The following INPP5D variants were observed in gnomAD, a reference collection of about 807,000 sequenced individuals.
INPP5D encodes the protein inositol polyphosphate-5-phosphatase D, also known as phosphatidylinositol 3,4,5-trisphosphate 5-phosphatase 1.
A neutral mutation model predicts 122.9 loss-of-function variants in INPP5D; 33 were observed. The observed-to-expected ratio is 0.27, with a 90% CI of 0.20 to 0.36. The LOEUF (loss-of-function observed/expected upper bound fraction) is 0.36, where lower values mean the gene tolerates loss of function less well. Ranked by LOEUF, INPP5D falls within the 10% of genes least tolerant of loss-of-function variation. The probability of loss-of-function intolerance (pLI) is 1.00; values close to 1 mark genes in which losing one functional copy is unlikely to be tolerated. For missense variants in INPP5D, 1,053 were observed against 1,412.7 expected (o/e 0.75, Z 4.08); for synonymous variants, 584 against 576.2 (o/e 1.01, Z -0.19).
At chr2:233,098,880 A>C (rs1287243514) in intron 2 of INPP5D, among the ~76,000 whole-genome samples, 2 of 152,242 alleles carry the variant, frequency 1.3e-5, no homozygotes, top group African/African-American at 4.8e-5. Context: ...GCCATCGACT[A>C]AAATGCCATC....
chr2:233,204,188 A>G lies in INPP5D; in HGVS notation c.3038A>G (p.Lys1013Arg). 3.7e-6 allele frequency: 6 copies of G among 1,610,522 alleles called. No homozygotes were observed. The highest frequency in any genetic ancestry group is 5.1e-6 in the Non-Finnish European group (6 of 1,178,560). Residue 1013 changes from lysine (K) to arginine (R), a missense_variant, in exon 26 of 27, where the codon AAG (lysine) becomes AGG (arginine). Coordinates refer to ENST00000445964, the MANE Select transcript of INPP5D (RefSeq NM_001017915.3). The part of the protein sequence containing the change: ...TLPQEDLPLT[K>R]PEMFENPLYG... Reference sequence around the variant, plus strand: ...CCTCAGGAGGACCTGCCGCTGACGAAGCCCGAGATGTTTGAGAACCCCCTG... The same window carrying G: ...CCTCAGGAGGACCTGCCGCTGACGAGGCCCGAGATGTTTGAGAACCCCCTG...
rs1693226489 is a variant in INPP5D at position 233,128,415 on chromosome 2, A to G, written c.525-2093A>G. Among the ~76,000 whole-genome samples, 1 of 152,362 alleles carries G rather than the reference A, an allele frequency of 6.6e-6. No homozygotes were observed. Among genetic ancestry groups the G allele is most frequent in the Non-Finnish European group, 1.5e-5 (1 of 68,032 alleles). ...TATGATGTCAAGACCCAGAATAAAT[A>G]TAGAAGAACTTAAATGTAAATGTTC... On this transcript the variant is annotated intron_variant, in intron 4 of 26. Coordinates refer to ENST00000445964, the MANE Select transcript of INPP5D (RefSeq NM_001017915.3). This position sits in a 1 kb window ranked among gnomAD's most constrained non-coding sequence, Gnocchi z 4.5.
At chr2:233,136,204 C>T (rs1294700433) in intron 5 of INPP5D, among the ~76,000 whole-genome samples, 1 of 152,176 alleles carries the variant, frequency 6.6e-6, no homozygotes, top group East Asian at 1.9e-4. Context: ...AAGGCCGGGC[C>T]TAGTGGCTTA....
intron 6 of INPP5D, among the ~76,000 whole-genome samples, chr2:233,144,366 G>A (rs1490336822): frequency 2.4e-5 from 3 of 124,104 alleles, no homozygotes; most frequent in Non-Finnish European, 3.5e-5. Flanking sequence ...GTGATGGTGA[G>A]GGTGGAGGTG....
chr2:233,201,133 A>G (rs1695329273), intron 25 of INPP5D, among the ~76,000 whole-genome samples: 1 of 152,284 alleles, frequency 6.6e-6, no homozygotes, highest in Non-Finnish European at 1.5e-5. Context: ...GACCCTGGTC[A>G]TTCCCTAAGA....
intron 9 of INPP5D, among the ~76,000 whole-genome samples, chr2:233,149,145 C>T (rs1444041168): frequency 4.8e-5 from 7 of 144,850 alleles, no homozygotes; most frequent in Non-Finnish European, 8.9e-5. Context: ...GCTCTATCAC[C>T]CAGACTGGAG....
chr2:233,072,309 C>T (rs1159704528), intron 1 of INPP5D, among the ~76,000 whole-genome samples: 1 of 152,118 alleles, frequency 6.6e-6, no homozygotes, highest in Non-Finnish European at 1.5e-5. Flanking sequence ...ATTTCATTTA[C>T]TGGTAAAATA....
chr2:233,118,271 TCG>T (rs932616277), intron 2 of INPP5D, among the ~76,000 whole-genome samples: 5 of 152,140 alleles, frequency 3.3e-5, no homozygotes, highest in Non-Finnish European at 5.9e-5. Context: ...CCCTCGGCCA[TCG>T]TACCCTGATG....
chr2:233,147,707 C>A, intron 9 of INPP5D, 113 bp downstream of exon 9: 1 of 636,740 alleles, frequency 1.6e-6, no homozygotes, highest in Non-Finnish European at 2.9e-6. Context: ...CGCACGCATG[C>A]GCGCCTGCGC....
chr2:233,094,527 A>C (rs1205015470), intron 2 of INPP5D, among the ~76,000 whole-genome samples: 3 of 150,360 alleles, frequency 2.0e-5, no homozygotes, highest in Admixed American at 6.6e-5. Context: ...AAAAAAAAAA[A>C]AAAAAAAAAA....
intron 1 of INPP5D, among the ~76,000 whole-genome samples, chr2:233,065,364 G>A (rs1451847119): frequency 2.2e-5 from 3 of 134,750 alleles, no homozygotes; most frequent in African/African-American, 5.7e-5. Flanking sequence ...CTGGAGTGCA[G>A]TGGTGCAATC....
chr2:233,076,902 G>A (rs1302666855), intron 1 of INPP5D, among the ~76,000 whole-genome samples: 1 of 152,110 alleles, frequency 6.6e-6, no homozygotes, highest in East Asian at 1.9e-4. Flanking sequence ...ATTCATATCC[G>A]GTTAGTAGGA....
intron 2 of INPP5D, among the ~76,000 whole-genome samples, chr2:233,088,989 G>C (rs1691922566): frequency 6.6e-6 from 1 of 152,228 alleles, no homozygotes; most frequent in African/African-American, 2.4e-5. Context: ...GATCCTCTGA[G>C]AACTGAGAAC....
intron 25 of INPP5D, among the ~76,000 whole-genome samples, chr2:233,202,583 A>C (rs1225777193): frequency 1.3e-5 from 2 of 152,136 alleles, no homozygotes; most frequent in African/African-American, 4.8e-5. Flanking sequence ...GCCTGTGAGC[A>C]GCTTCTCAGT....
chr2:233,132,393 G>C (rs1026437262), intron 5 of INPP5D, among the ~76,000 whole-genome samples: 1 of 152,282 alleles, frequency 6.6e-6, no homozygotes, highest in East Asian at 1.9e-4. Flanking sequence ...TCACTATGGC[G>C]GTGCCAGCTT....
chr2:233,151,573 G>A (rs1693927520), intron 9 of INPP5D, among the ~76,000 whole-genome samples: 1 of 152,152 alleles, frequency 6.6e-6, no homozygotes, highest in Non-Finnish European at 1.5e-5. Flanking sequence ...GACTCTGCAG[G>A]CCCCAGCTCG....
chr2:233,123,637 A>G (rs1693063309), intron 3 of INPP5D, among the ~76,000 whole-genome samples: 1 of 152,238 alleles, frequency 6.6e-6, no homozygotes, highest in Admixed American at 6.5e-5. Context: ...CTAAGGGAAT[A>G]GAAATCATTT....
Position 233,100,757 on chromosome 2 carries a change from G to A in INPP5D, c.199-21350G>A, listed in dbSNP as rs1309895693. 6.6e-6 allele frequency among the ~76,000 whole-genome samples: 1 copy of A among 152,226 alleles called. No homozygotes were observed. The highest frequency in any genetic ancestry group is 2.4e-5 in the African/African-American group (1 of 41,464). ...GTGTGACCTGTCTGCTCCTGTTAGA[G>A]CCTCCTTTCCCCAGAGGGCAGGGTG... On this transcript the variant is annotated intron_variant, in intron 2 of 26. Transcript: ENST00000445964. The surrounding 1 kb of genome is among the most constrained non-coding windows in gnomAD (Gnocchi z 5.3).
rs775255701 is a variant in INPP5D at position 233,078,331 on chromosome 2, GC to G, written c.135-1002del. ...TCCTCCTCACATTAGAGATGACTGTGCCAAAGGAAGGTAGAGCTTCTAGAAA... is the reference window on the plus strand; with the variant it reads ...TCCTCCTCACATTAGAGATGACTGTGCAAAGGAAGGTAGAGCTTCTAGAAA... On this transcript the variant is annotated intron_variant, in intron 1 of 26. Coordinates refer to ENST00000445964, the MANE Select transcript of INPP5D (RefSeq NM_001017915.3). This position sits in a 1 kb window ranked among gnomAD's most constrained non-coding sequence, Gnocchi z 4.6. Among the ~76,000 whole-genome samples, 12 of 152,232 alleles carry G rather than the reference GC, an allele frequency of 7.9e-5. No individual in the cohort carries two copies. Among genetic ancestry groups the G allele is most frequent in the Non-Finnish European group, 1.6e-4 (11 of 68,042 alleles).
Sources: allele counts gnomAD v4.1 joint callset (sites outside exome capture counted in the v4.1 genomes callset), GRCh38; gene constraint gnomAD v4.1.1; non-coding constraint Gnocchi (gnomAD v3.1); transcripts MANE v1.5; gene names NCBI Gene and HGNC (gene_info 2026-07-23, HGNC 2026-07-21).